Variants in MAGI2 observed in about 807,000 individuals in gnomAD.
The protein encoded by MAGI2 is membrane-associated guanylate kinase, WW and PDZ domain-containing protein 2.
Under a neutral mutation model 133.3 loss-of-function variants are expected in MAGI2, and 35 were observed. The observed-to-expected ratio is 0.26, with a 90% confidence interval of 0.20 to 0.35. MAGI2 has a LOEUF of 0.35. MAGI2 is among the 10% of genes least tolerant of loss of function. MAGI2 has a pLI of 1.00. For synonymous variants in MAGI2, 729 were observed against 710.6 expected (o/e 1.03, Z -0.41); for missense variants, 1,636 against 1,863.4 (o/e 0.88, Z 2.25).
At chr7:79,220,439 A>G (rs1318506146) in intron 1 of MAGI2, among the ~76,000 whole-genome samples, 3 of 152,022 alleles carry the variant, frequency 2.0e-5, no homozygotes, top group Non-Finnish European at 4.4e-5. Flanking sequence ...TTATCATTAC[A>G]TAAGTCTTTA....
intron 1 of MAGI2, chr7:79,411,971 T>C (rs1159816222): frequency 2.6e-5 from 4 of 152,116 alleles, no homozygotes; most frequent in African/African-American, 9.7e-5. Flanking sequence ...GAATACTATA[T>C]ATGTTTATAC....
chr7:78,563,368 C>G (rs927194981), intron 3 of MAGI2, among the ~76,000 whole-genome samples: 1 of 152,146 alleles, frequency 6.6e-6, no homozygotes, highest in African/African-American at 2.4e-5. Context: ...TCACCTGGGG[C>G]AGCATGCACC....
chr7:79,121,507 T>C (rs188002781), intron 1 of MAGI2, among the ~76,000 whole-genome samples: 2 of 152,198 alleles, frequency 1.3e-5, no homozygotes, highest in Non-Finnish European at 2.9e-5. Flanking sequence ...GAGCCAATAA[T>C]CTCCACATTC....
intron 2 of MAGI2, among the ~76,000 whole-genome samples, chr7:78,646,391 A>C (rs1810897356): frequency 2.0e-5 from 3 of 152,206 alleles, no homozygotes; most frequent in Non-Finnish European, 4.4e-5. Context: ...CTTTAAAGCA[A>C]GAAAAAATTG....
At chr7:79,420,244 A>C (rs553716064) in intron 1 of MAGI2, among the ~76,000 whole-genome samples, 8 of 152,168 alleles carry the variant, frequency 5.3e-5, no homozygotes, top group African/African-American at 1.9e-4. Context: ...ACACACAAAC[A>C]TGCAACTGTC....
At chr7:79,115,660 C>T (rs1447966975) in intron 1 of MAGI2, among the ~76,000 whole-genome samples, 1 of 151,908 alleles carries the variant, frequency 6.6e-6, no homozygotes, top group Non-Finnish European at 1.5e-5. Context: ...CATGTATGGT[C>T]TGTTCTGAGC....
chr7:79,165,024 C>G (rs947993163), intron 1 of MAGI2, among the ~76,000 whole-genome samples: 2 of 151,996 alleles, frequency 1.3e-5, no homozygotes, highest in Non-Finnish European at 2.9e-5. Flanking sequence ...CATGAAAAAC[C>G]TCTCTTGTTT....
At chr7:78,403,981 A>G (rs1797141857) in intron 6 of MAGI2, among the ~76,000 whole-genome samples, 1 of 152,202 alleles carries the variant, frequency 6.6e-6, no homozygotes, top group South Asian at 2.1e-4. Context: ...AGGATACAAA[A>G]TCAATGTGCA....
chr7:78,419,546 G>C (rs1798606327), intron 6 of MAGI2, among the ~76,000 whole-genome samples: 1 of 151,052 alleles, frequency 6.6e-6, no homozygotes, highest in Admixed American at 6.6e-5. Context: ...AGCTGAAAGA[G>C]CTGATTTGAG....
At chr7:78,201,085 A>G (rs1829211800) in intron 11 of MAGI2, 77 bp downstream of exon 11, 1 of 922,494 alleles carries the variant, frequency 1.1e-6, no homozygotes, top group Non-Finnish European at 1.6e-6. Flanking sequence ...TTTTGAGGTC[A>G]CCCAATTCAA....
intron 6 of MAGI2, among the ~76,000 whole-genome samples, chr7:78,452,074 T>C (rs1425975556): frequency 6.6e-6 from 1 of 152,110 alleles, no homozygotes; most frequent in Non-Finnish European, 1.5e-5. Flanking sequence ...ATGATGTTGA[T>C]GATAGAAACT....
intron 2 of MAGI2, among the ~76,000 whole-genome samples, chr7:78,826,772 G>T (rs139644977): frequency 6.6e-6 from 1 of 152,214 alleles, no homozygotes; most frequent in East Asian, 1.9e-4. Flanking sequence ...TGTGGGAAAA[G>T]GTGATGACCT....
At chr7:78,848,326 A>C (rs1232669693) in intron 2 of MAGI2, among the ~76,000 whole-genome samples, 1 of 151,808 alleles carries the variant, frequency 6.6e-6, no homozygotes, top group African/African-American at 2.4e-5. Flanking sequence ...CATCCAATAC[A>C]TCATCTGCCC....
chr7:78,327,300 T>C (rs1261280335), intron 9 of MAGI2, among the ~76,000 whole-genome samples: 3 of 152,200 alleles, frequency 2.0e-5, no homozygotes, highest in Non-Finnish European at 4.4e-5. Flanking sequence ...TTCATTGCCA[T>C]GTCTTCTGTC....
intron 3 of MAGI2, among the ~76,000 whole-genome samples, chr7:78,606,805 G>A (rs572280508): frequency 8.1e-5 from 12 of 148,876 alleles, no homozygotes; most frequent in African/African-American, 2.7e-4. Flanking sequence ...ACATGCCCTT[G>A]TATTCTGTTT....
intron 5 of MAGI2, among the ~76,000 whole-genome samples, chr7:78,494,995 G>A (rs577034396): frequency 6.6e-6 from 1 of 152,242 alleles, no homozygotes; most frequent in South Asian, 2.1e-4. Context: ...CAAGGTTCAG[G>A]TAAATATTCT....
rs185553455 is a variant in MAGI2 at position 78,024,212 on chromosome 7, A to G, written c.3707-4236T>C. 2.0e-3 allele frequency among the ~76,000 whole-genome samples: 300 copies of G among 152,216 alleles called. 3 individuals are homozygous for G. Among genetic ancestry groups the G allele is most frequent in the Non-Finnish European group, 8.4e-4 (57 of 68,020 alleles). ...AGTTTCTCCTCAATTTACTTTGCAGATTCCTCTTATTTTACCTGACTTCTT... is the reference window on the plus strand; with the variant it reads ...AGTTTCTCCTCAATTTACTTTGCAGGTTCCTCTTATTTTACCTGACTTCTT... On this transcript the variant is annotated intron_variant, in intron 21 of 21. Coordinates refer to ENST00000354212, the MANE Select transcript of MAGI2 (RefSeq NM_012301.4).
chr7:79,152,324 C>T (rs1483203955), intron 1 of MAGI2, among the ~76,000 whole-genome samples: 1 of 152,146 alleles, frequency 6.6e-6, no homozygotes, highest in Admixed American at 6.6e-5. Flanking sequence ...GTCAAGACTC[C>T]TGTTTCTCCT....
intron 3 of MAGI2, among the ~76,000 whole-genome samples, chr7:78,543,254 CA>C (rs1798557400): frequency 1.3e-5 from 2 of 152,152 alleles, no homozygotes; most frequent in South Asian, 4.1e-4. Context: ...AGGTGGACGT[CA>C]AGAATGAATA....
Sources: gnomAD v4.1 joint callset for allele counts (sites outside exome capture counted in the v4.1 genomes callset) on GRCh38, gnomAD v4.1.1 for gene constraint, MANE v1.5 for transcripts, NCBI Gene and HGNC (gene_info 2026-07-23, HGNC 2026-07-21) for gene names.